Variants in FGGY observed in about 807,000 individuals in gnomAD.
FGGY encodes the protein FGGY carbohydrate kinase domain containing.
In FGGY, 72 loss-of-function variants were observed where a neutral mutation model predicts 71.3. The ratio of observed to expected loss-of-function variants is 1.01; its 90% CI spans 0.84 to 1.23. FGGY has a LOEUF of 1.23. FGGY is among the 50% of genes most tolerant of loss of function. FGGY has a pLI of 0.00. For synonymous variants in FGGY, 251 were observed against 250.3 expected (o/e 1.00, Z -0.02); for missense variants, 668 against 682.3 (o/e 0.98, Z 0.23).
At chr1:59,376,687 A>T (rs1483556356) in intron 4 of FGGY, among the ~76,000 whole-genome samples, 1 of 152,124 alleles carries the variant, frequency 6.6e-6, no homozygotes, top group Non-Finnish European at 1.5e-5. Context: ...ACTGTGTGTT[A>T]CCCTGCGGCA....
intron 6 of FGGY, among the ~76,000 whole-genome samples, chr1:59,475,934 G>GA (rs2093244075): frequency 6.6e-6 from 1 of 152,042 alleles, no homozygotes; most frequent in Admixed American, 6.6e-5. Context: ...TTGCAGCTGG[G>GA]AAAAAAATAA....
intron 11 of FGGY, among the ~76,000 whole-genome samples, chr1:59,657,932 A>C (rs1240335816): frequency 6.6e-6 from 1 of 152,170 alleles, no homozygotes; most frequent in East Asian, 1.9e-4. Flanking sequence ...TGATTGTGTG[A>C]GGAGCTGAGG....
chr1:59,662,348 A>G (rs1308271154), intron 12 of FGGY, among the ~76,000 whole-genome samples: 2 of 151,204 alleles, frequency 1.3e-5, no homozygotes, highest in South Asian at 2.1e-4. Flanking sequence ...GAGAGATTTT[A>G]TATGTGCCAA....
At chr1:59,343,956 A>G (rs1570689995) in intron 3 of FGGY, among the ~76,000 whole-genome samples, 1 of 152,112 alleles carries the variant, frequency 6.6e-6, no homozygotes, top group African/African-American at 2.4e-5. Context: ...GTCCCCTTCA[A>G]CACTCACCCA....
intron 1 of FGGY, among the ~76,000 whole-genome samples, chr1:59,301,633 T>G (rs1268173211): frequency 2.0e-5 from 3 of 152,092 alleles, no homozygotes; most frequent in Non-Finnish European, 4.4e-5. Flanking sequence ...TATTCCTACT[T>G]TACTGAGAAT....
chr1:59,560,041 A>G (rs1455494531), intron 8 of FGGY, among the ~76,000 whole-genome samples: 1 of 152,130 alleles, frequency 6.6e-6, no homozygotes, highest in African/African-American at 2.4e-5. Flanking sequence ...AAAACGGGGG[A>G]AGAGTAATTT....
At chr1:59,401,020 C>T (rs996033990) in intron 5 of FGGY, among the ~76,000 whole-genome samples, 8 of 152,086 alleles carry the variant, frequency 5.3e-5, no homozygotes, top group African/African-American at 1.9e-4. Flanking sequence ...TATAATATCT[C>T]ATTTTAGTAG....
chr1:59,434,894 T>C (rs183725346), intron 5 of FGGY, among the ~76,000 whole-genome samples: 1 of 152,304 alleles, frequency 6.6e-6, no homozygotes, highest in East Asian at 1.9e-4. Context: ...CATTCACAGT[T>C]ACACATTTTG....
In FGGY at chr1:59,308,001, AG is replaced by A. The variant is rs561429651; in HGVS notation, c.-15+10854del. 1.6e-3 allele frequency among the ~76,000 whole-genome samples: 243 copies of A among 152,280 alleles called. 1 individual carries two copies. Among genetic ancestry groups the A allele is most frequent in the African/African-American group, 5.7e-3 (235 of 41,558 alleles). On this transcript the variant is annotated intron_variant, in intron 1 of 15. Coordinates refer to ENST00000303721, the MANE Select transcript of FGGY (RefSeq NM_018291.5). ...TGTTGCATCCAGGGGGTCTCCAGGAAGGGAGAGGGAAAAGGAAGACTTCCTG... is the reference window on the plus strand; with the variant it reads ...TGTTGCATCCAGGGGGTCTCCAGGAAGGAGAGGGAAAAGGAAGACTTCCTG...
At chr1:59,434,198 G>C (rs1270469960) in intron 5 of FGGY, among the ~76,000 whole-genome samples, 1 of 152,198 alleles carries the variant, frequency 6.6e-6, no homozygotes, top group Non-Finnish European at 1.5e-5. Flanking sequence ...CAAATTGTAA[G>C]TTCAGTTAAG....
intron 9 of FGGY, among the ~76,000 whole-genome samples, chr1:59,611,834 G>A (rs908220255): frequency 4.6e-5 from 7 of 152,320 alleles, no homozygotes; most frequent in East Asian, 1.9e-4. Flanking sequence ...ACCATGGCAC[G>A]AGAACTATGT....
At chr1:59,740,947 C>G (rs547127086) in intron 14 of FGGY, among the ~76,000 whole-genome samples, 143 of 152,246 alleles carry the variant, frequency 9.4e-4, no homozygotes, top group Non-Finnish European at 1.5e-3. Flanking sequence ...TGTAAAATAT[C>G]TCATAAATAA....
At chr1:59,533,450 G>C (rs1476997641) in intron 7 of FGGY, among the ~76,000 whole-genome samples, 1 of 152,246 alleles carries the variant, frequency 6.6e-6, no homozygotes, top group African/African-American at 2.4e-5. Flanking sequence ...GCCCAGGCTT[G>C]CTTAGGTAAG....
At chr1:59,762,043 T>C (rs1402321488) in intron 15 of FGGY, among the ~76,000 whole-genome samples, 3 of 151,202 alleles carry the variant, frequency 2.0e-5, no homozygotes, top group Non-Finnish European at 4.4e-5. Context: ...CTATACTACT[T>C]TGTATATGCC....
intron 15 of FGGY, among the ~76,000 whole-genome samples, chr1:59,761,956 C>T (rs41478449): frequency 0.073 from 11,084 of 152,200 alleles, 566 homozygotes; most frequent in Non-Finnish European, 0.1. Flanking sequence ...CCATTAAGTC[C>T]GGCCTTTTTG....
intron 8 of FGGY, among the ~76,000 whole-genome samples, chr1:59,592,497 G>T (rs2096461673): frequency 6.6e-6 from 1 of 152,130 alleles, no homozygotes; most frequent in African/African-American, 2.4e-5. Flanking sequence ...TATGTTTATT[G>T]CTGCACTATT....
chr1:59,462,174 C>A (rs2092290228), intron 6 of FGGY, among the ~76,000 whole-genome samples: 1 of 152,250 alleles, frequency 6.6e-6, no homozygotes, highest in Admixed American at 6.5e-5. Flanking sequence ...ACTATCTGAT[C>A]TTTGACAAAC....
intron 5 of FGGY, among the ~76,000 whole-genome samples, chr1:59,382,985 C>T (rs2059649897): frequency 6.6e-6 from 1 of 152,140 alleles, no homozygotes; most frequent in Non-Finnish European, 1.5e-5. Context: ...GGCATGCATA[C>T]ACACGGTGGA....
At chr1:59,642,401 T>G (rs1287317027) in intron 11 of FGGY, among the ~76,000 whole-genome samples, 2 of 151,910 alleles carry the variant, frequency 1.3e-5, no homozygotes, top group African/African-American at 4.8e-5. Flanking sequence ...CCGAGCCAGT[T>G]GGATCATGAG....
Sources: allele counts gnomAD v4.1 joint callset (sites outside exome capture counted in the v4.1 genomes callset), GRCh38; gene constraint gnomAD v4.1.1; transcripts MANE v1.5; gene names NCBI Gene and HGNC (gene_info 2026-07-23, HGNC 2026-07-21).